Variants in XPR1 observed in about 807,000 individuals in gnomAD.
The protein encoded by XPR1 is solute carrier family 53 member 1.
XPR1 carries 28 observed loss-of-function variants against 87.5 expected under a neutral mutation model. That is an observed-to-expected ratio of 0.32 (90% CI 0.24 to 0.44). The LOEUF (loss-of-function observed/expected upper bound fraction) is 0.44, where lower values mean the gene tolerates loss of function less well. Ranked by LOEUF, XPR1 falls within the 20% of genes least tolerant of loss-of-function variation. The pLI is 1.00. For synonymous variants in XPR1, 300 were observed against 306.1 expected, an observed-to-expected ratio of 0.98 and a Z score of 0.21; for missense variants, 559 against 862.3, an observed-to-expected ratio of 0.65 and a Z score of 4.41.
At chr1:180,757,029 A>G (rs922518466) in intron 2 of XPR1, among the ~76,000 whole-genome samples, 1 of 152,216 alleles carries the variant, frequency 6.6e-6, no homozygotes, top group African/African-American at 2.4e-5. Context: ...TTCTTACATC[A>G]GTACTATGCT....
At chr1:180,852,483 A>T (rs1187126455) in intron 11 of XPR1, among the ~76,000 whole-genome samples, 1 of 151,996 alleles carries the variant, frequency 6.6e-6, no homozygotes, top group African/African-American at 2.4e-5. Flanking sequence ...ATCGGTGGTC[A>T]ACCACAGTCT....
chr1:180,799,950 G>A (rs1322928481), intron 3 of XPR1, among the ~76,000 whole-genome samples: 1 of 152,230 alleles, frequency 6.6e-6, no homozygotes, highest in Non-Finnish European at 1.5e-5. Flanking sequence ...AAGAGAGGAT[G>A]TGGTAGGTAT....
intron 2 of XPR1, among the ~76,000 whole-genome samples, chr1:180,702,754 A>G (rs952168106): frequency 6.6e-6 from 1 of 151,028 alleles, no homozygotes; most frequent in Admixed American, 6.6e-5. Flanking sequence ...ATTATTTTGA[A>G]TTGTTTTTCA....
chr1:180,856,239 T>G (rs1227457848), intron 11 of XPR1, among the ~76,000 whole-genome samples: 1 of 152,154 alleles, frequency 6.6e-6, no homozygotes, highest in Non-Finnish European at 1.5e-5. Context: ...AATTTAAATT[T>G]TTTAAGAGAT....
chr1:180,696,196 G>C (rs1657162950), intron 2 of XPR1, among the ~76,000 whole-genome samples: 1 of 114,136 alleles, frequency 8.8e-6, no homozygotes, highest in Middle Eastern at 4.0e-3. Flanking sequence ...GTGTGTGTGT[G>C]TGTGTGTGTG....
At chr1:180,773,602 CAT>C (rs1417754315) in intron 2 of XPR1, among the ~76,000 whole-genome samples, 1 of 152,100 alleles carries the variant, frequency 6.6e-6, no homozygotes, top group Non-Finnish European at 1.5e-5. Context: ...AAGGTTTTGA[CAT>C]AACATTTTCT....
At chr1:180,875,679 C>G (rs889075224) in intron 13 of XPR1, among the ~76,000 whole-genome samples, 6 of 151,694 alleles carry the variant, frequency 4.0e-5, no homozygotes, top group African/African-American at 1.2e-4. Context: ...TAAAAAACAG[C>G]AAATCCCAAA....
intron 1 of XPR1, among the ~76,000 whole-genome samples, chr1:180,649,163 C>T (rs1167988268): frequency 6.6e-6 from 1 of 151,968 alleles, no homozygotes; most frequent in Non-Finnish European, 1.5e-5. Context: ...CAGTGGCTCA[C>T]GCCTGTAATC....
chr1:180,882,732 A>G (rs979140479), intron 14 of XPR1, among the ~76,000 whole-genome samples: 11 of 152,162 alleles, frequency 7.2e-5, no homozygotes, highest in African/African-American at 1.2e-4. Context: ...TAATTTCACT[A>G]TAACTTTAAC....
intron 9 of XPR1, among the ~76,000 whole-genome samples, chr1:180,826,646 G>A (rs954699256): frequency 6.6e-6 from 1 of 152,110 alleles, no homozygotes; most frequent in African/African-American, 2.4e-5. Context: ...TAACAATAAA[G>A]ATTAGTGATT....
intron 1 of XPR1, among the ~76,000 whole-genome samples, chr1:180,646,175 A>T (rs927217443): frequency 5.3e-5 from 8 of 152,306 alleles, no homozygotes; most frequent in Admixed American, 3.9e-4. Context: ...GTCTAGTTAC[A>T]GTGCAAGCCA....
At chr1:180,829,496 A>G (rs1650978747) in intron 9 of XPR1, among the ~76,000 whole-genome samples, 1 of 152,184 alleles carries the variant, frequency 6.6e-6, no homozygotes, top group Non-Finnish European at 1.5e-5. Flanking sequence ...TGAGTTGAGT[A>G]TGATGTTTAT....
intron 2 of XPR1, among the ~76,000 whole-genome samples, chr1:180,696,282 G>A (rs1343190757): frequency 1.3e-5 from 2 of 149,038 alleles, no homozygotes; most frequent in African/African-American, 4.9e-5. Context: ...CATTATTGGT[G>A]TATAGAAACC....
intron 2 of XPR1, among the ~76,000 whole-genome samples, chr1:180,774,573 G>T (rs1648639517): frequency 6.6e-6 from 1 of 151,230 alleles, no homozygotes; most frequent in Non-Finnish European, 1.5e-5. Context: ...TTGTTTGTTT[G>T]TTTTTTTGTA....
Position 180,888,716 on chromosome 1 carries a change from G to A in XPR1, c.*4650G>A, listed in dbSNP as rs138796198. On this transcript the variant is annotated 3_prime_UTR_variant, in exon 15 of 15. Transcript: ENST00000367590. ...AGGTTTTCTAAATGCAAACACATAC[G>A]TTTCTGCATTTCAGAAGTCAGTCTT... 2 of 152,144 alleles carry A rather than the reference G, an allele frequency of 1.3e-5. No homozygotes were observed. Among genetic ancestry groups the A allele is most frequent in the Non-Finnish European group, 2.9e-5 (2 of 68,018 alleles). The allele number at this position is 152,144 out of a possible 1,614,324, so 9.4% of individuals were successfully genotyped here. A position where few individuals can be genotyped will look rare whatever the true frequency, so the allele number is the denominator to read the frequency against.
At chr1:180,758,114 TACACACACACAC>T (rs71121050) in intron 2 of XPR1, among the ~76,000 whole-genome samples, 15 of 141,186 alleles carry the variant, frequency 1.1e-4, no homozygotes, top group East Asian at 4.2e-4. Flanking sequence ...TATAGAAGGA[TACACACACACAC>T]ACACACACAC....
At chr1:180,839,476 TATC>T (rs1019272965) in intron 11 of XPR1, among the ~76,000 whole-genome samples, 2 of 152,204 alleles carry the variant, frequency 1.3e-5, no homozygotes, top group Non-Finnish European at 2.9e-5. Flanking sequence ...GAAATAATTT[TATC>T]ATATTCTTTA....
At chr1:180,670,753 T>C (rs1656141414) in intron 1 of XPR1, among the ~76,000 whole-genome samples, 1 of 152,232 alleles carries the variant, frequency 6.6e-6, no homozygotes, top group South Asian at 2.1e-4. Context: ...TTCATTTCAT[T>C]TTGCAGGATT....
At chr1:180,851,219 G>A (rs185897653) in intron 11 of XPR1, among the ~76,000 whole-genome samples, 1 of 152,276 alleles carries the variant, frequency 6.6e-6, no homozygotes, top group East Asian at 1.9e-4. Context: ...CCAGCCAGTT[G>A]TCACTACTGG....
Sources: allele counts gnomAD v4.1 joint callset (sites outside exome capture counted in the v4.1 genomes callset), GRCh38; gene constraint gnomAD v4.1.1; transcripts MANE v1.5; gene names NCBI Gene and HGNC (gene_info 2026-07-23, HGNC 2026-07-21).